Variants in ATAD2 observed in about 807,000 individuals in gnomAD.
ATAD2 encodes ATPase family AAA domain containing 2.
A neutral mutation model predicts 168.9 loss-of-function variants in ATAD2; 62 were observed. That is an observed-to-expected ratio of 0.37 (90% CI 0.30 to 0.45). The LOEUF (loss-of-function observed/expected upper bound fraction) is 0.45, where lower values mean the gene tolerates loss of function less well. ATAD2 is among the 20% of genes least tolerant of loss of function. The pLI, the probability that ATAD2 is intolerant of heterozygous loss-of-function variation, is 1.00. For missense variants in ATAD2, 1,419 were observed against 1,667.8 expected, an observed-to-expected ratio of 0.85 and a Z score of 2.60; for synonymous variants, 613 against 571.6, an observed-to-expected ratio of 1.07 and a Z score of -1.03.
intron 1 of ATAD2, among the ~76,000 whole-genome samples, chr8:123,383,060 C>T (rs1278038220): frequency 6.6e-6 from 1 of 152,126 alleles, no homozygotes; most frequent in Admixed American, 6.5e-5. Context: ...ATGGATGAAG[C>T]TGGAAGCCAT....
intron 3 of ATAD2, among the ~76,000 whole-genome samples, chr8:123,372,143 A>G (rs1314842116): frequency 6.6e-6 from 1 of 152,220 alleles, no homozygotes; most frequent in Non-Finnish European, 1.5e-5. Context: ...AAAGGTGAAG[A>G]GATAAATTGT....
intron 1 of ATAD2, among the ~76,000 whole-genome samples, chr8:123,412,783 A>G (rs530230578): frequency 6.6e-6 from 1 of 152,224 alleles, no homozygotes; most frequent in East Asian, 1.9e-4. Flanking sequence ...CTCTCAGCAC[A>G]ACTTGGTTCC....
chr8:123,334,320 G>A lies in ATAD2; in HGVS notation c.3214C>T (p.Arg1072Cys), dbSNP rs1586859965. Residue 1072 changes from arginine to cysteine, a missense_variant and splice_region_variant, in exon 23 of 28, where the codon CGT becomes TGT. Physicochemically the swap from Arg to Cys is radical, Grantham distance 180 (BLOSUM62 -3). Transcript: ENST00000287394. ...EYNPDRDPGD[R>C]LIRHRACALR... The stretch of plus-strand genomic sequence containing the variant: ...GCACAGGCTCTATGCCTAATAAGAC[G>A]ATCTATGAAGTGAGTAAAAAATGTA... 1.3e-6 allele frequency: 2 copies of A among 1,514,740 alleles called. No individual in the cohort carries two copies. Among genetic ancestry groups the A allele is most frequent in the South Asian group, 1.4e-5 (1 of 73,068 alleles). The allele number at this position is 1,514,740 out of a possible 1,614,324, so 93.8% of individuals were successfully genotyped here. A position where few individuals can be genotyped will look rare whatever the true frequency, so the allele number is the denominator to read the frequency against.
At chr8:123,360,418 T>A (rs1760886861) in intron 9 of ATAD2, among the ~76,000 whole-genome samples, 1 of 151,702 alleles carries the variant, frequency 6.6e-6, no homozygotes, top group East Asian at 1.9e-4. Context: ...CTCGGCTCGC[T>A]GCAATCTTCG....
At chr8:123,341,117 T>C (rs988575284) in intron 19 of ATAD2, among the ~76,000 whole-genome samples, 1 of 152,124 alleles carries the variant, frequency 6.6e-6, no homozygotes, top group Non-Finnish European at 1.5e-5. Flanking sequence ...TTATTCATTT[T>C]ATAAAAATGG....
chr8:123,400,068 G>A (rs1456439056), upstream of ATAD2, among the ~76,000 whole-genome samples: 1 of 152,106 alleles, frequency 6.6e-6, no homozygotes, highest in African/African-American at 2.4e-5. This position sits in a 1 kb window ranked among gnomAD's most constrained non-coding sequence, Gnocchi z 4.5. Context: ...GGAGGCTGAG[G>A]CAGGAGAACT....
At chr8:123,352,731 C>G (rs1172630295) in intron 13 of ATAD2, 1 of 136,806 alleles carries the variant, frequency 7.3e-6, no homozygotes, top group Admixed American at 7.3e-5. Flanking sequence ...AAAAAAACAA[C>G]AAAAACAAAA....
chr8:123,388,719 G>A lies in ATAD2; in HGVS notation c.171+7468C>T, dbSNP rs150138993. Among the ~76,000 whole-genome samples, 468 of 152,012 alleles carry A rather than the reference G, an allele frequency of 3.1e-3. 5 individuals carry two copies. Among genetic ancestry groups the A allele is most frequent in the African/African-American group, 0.011 (457 of 41,456 alleles). ...TTTTATTTTAGAGATGGTGGGGGCG[G>A]GGGGGTGGTCTCACTATGTTGCTCA... On this transcript the variant is annotated intron_variant, in intron 1 of 27. Transcript: ENST00000287394.
intron 1 of ATAD2, among the ~76,000 whole-genome samples, chr8:123,412,306 T>C (rs1813170574): frequency 6.6e-6 from 1 of 152,262 alleles, no homozygotes; most frequent in African/African-American, 2.4e-5. Context: ...TACAGCAATG[T>C]CACCTGTATT....
intron 2 of ATAD2, among the ~76,000 whole-genome samples, chr8:123,373,612 C>T (rs1829215148): frequency 6.6e-6 from 1 of 151,632 alleles, no homozygotes; most frequent in South Asian, 2.1e-4. Context: ...CAGGGTGAAA[C>T]CCCGTCTCTA....
chr8:123,383,577 G>A (rs1347777766), intron 1 of ATAD2, among the ~76,000 whole-genome samples: 1 of 151,832 alleles, frequency 6.6e-6, no homozygotes, highest in Admixed American at 6.6e-5. Flanking sequence ...TTCGAGACCA[G>A]CCTGACCAAC....
Position 123,369,186 on chromosome 8 carries a change from GAAAT to G in ATAD2, c.932-15_932-12del, listed in dbSNP as rs1463406736. 1.8e-6 allele frequency: 2 copies of G among 1,123,156 alleles called. No individual in the cohort carries two copies. The highest frequency in any genetic ancestry group is 6.2e-5 in the East Asian group (2 of 32,326). The allele number at this position is 1,123,156 out of a possible 1,614,324, so 69.6% of individuals were successfully genotyped here. A position where few individuals can be genotyped will look rare whatever the true frequency, so the allele number is the denominator to read the frequency against. ...TCTGGTGACGAGGTTCTAAAAAAAA[GAAAT>G]ATATATATATATTTGTATATATATA... On this transcript the variant is annotated splice_polypyrimidine_tract_variant and intron_variant, in intron 7 of 27. Transcript: ENST00000287394.
chr8:123,348,213 A>C lies in ATAD2; in HGVS notation c.1867T>G (p.Phe623Val). 1 of 1,601,342 alleles carries C rather than the reference A, an allele frequency of 6.2e-7. No individual in the cohort carries two copies. Among genetic ancestry groups the C allele is most frequent in the Non-Finnish European group, 8.5e-7 (1 of 1,176,438 alleles). The change falls in exon 15 of 28, where the codon TTT becomes GTT. Residue 623 changes from phenylalanine (F) to valine (V), a missense_variant. This residue lies in a region of ATAD2 where 545 missense variants were observed against 724.9 expected (regional missense o/e 0.75). Transcript: ENST00000287394. ...CAGTTTTCTGCTAGCTCTTCTAAAA[A>C]TGTGTCCAGTGGTTTGGGATTCCAA... ...RDWNPKPLDTFLEELAENCVG... is the reference protein window; with the variant it reads ...RDWNPKPLDTVLEELAENCVG...
intron 1 of ATAD2, among the ~76,000 whole-genome samples, chr8:123,387,039 T>C (rs999210589): frequency 6.6e-6 from 1 of 152,090 alleles, no homozygotes; most frequent in South Asian, 2.1e-4. Context: ...ATGCCCATTA[T>C]TACTGGAAAA....
intron 1 of ATAD2, among the ~76,000 whole-genome samples, chr8:123,404,930 C>A (rs1465377727): frequency 6.6e-6 from 1 of 152,196 alleles, no homozygotes; most frequent in Non-Finnish European, 1.5e-5. Flanking sequence ...TCAGTTATAT[C>A]TGCAAAGACC....
chr8:123,362,029 G>A (rs978066982), intron 8 of ATAD2, among the ~76,000 whole-genome samples: 6 of 152,186 alleles, frequency 3.9e-5, no homozygotes, highest in Non-Finnish European at 7.4e-5. Flanking sequence ...TTAGGAGACC[G>A]AGGGGGAAGG....
chr8:123,328,579 G>T lies in ATAD2; in HGVS notation c.3479C>A (p.Ala1160Asp), dbSNP rs1827680714. 2 of 1,508,652 alleles carry T rather than the reference G, an allele frequency of 1.3e-6. No individual in the cohort carries two copies. Among genetic ancestry groups the T allele is most frequent in the Admixed American group, 4.7e-5 (2 of 42,134 alleles). The allele number at this position is 1,508,652 out of a possible 1,614,324, so 93.5% of individuals were successfully genotyped here. ...PSTPVACSTP[A>D]QLKRKIRKKS... is the part of the protein sequence containing the mutation. ...TTTGCGAATTTTCCTCTTCAACTGA[G>T]CTTCAAGAAATTTAAAGAAAAATGA... The change falls in exon 25 of 28, where the codon GCT (alanine) becomes GAT (aspartate). Residue 1160 changes from alanine (A) to aspartate (D), a missense_variant and splice_region_variant. Physicochemically the swap from Ala to Asp is moderately radical, Grantham distance 126 (BLOSUM62 -2). Coordinates refer to ENST00000287394, the MANE Select transcript of ATAD2 (RefSeq NM_014109.4).
intron 26 of ATAD2, 64 bp downstream of exon 26, chr8:123,325,829 A>C: frequency 6.3e-7 from 1 of 1,574,840 alleles, no homozygotes; most frequent in Non-Finnish European, 8.7e-7. Context: ...GCTACTAGTC[A>C]CAAGCCAGTG....
In ATAD2 at chr8:123,369,101, A is replaced by G. The variant is rs1395638311; in HGVS notation, c.1006T>C (p.Ser336Pro). The G allele has an allele frequency of 5.0e-6, 8 of 1,598,766 alleles. No homozygotes were observed. In the South Asian group the frequency reaches 5.6e-5, roughly 11 times the overall value. Residue 336 changes from serine (S) to proline (P), a missense_variant, in exon 8 of 28, where the codon TCT becomes CCT. By Grantham distance (74) the Ser-to-Pro change is moderately conservative. This residue lies in a region of ATAD2 where 419 missense variants were observed against 423.5 expected (regional missense o/e 0.99). Coordinates refer to ENST00000287394, the MANE Select transcript of ATAD2 (RefSeq NM_014109.4). ...TAAGGACTTCTTGGTCCTGCGGAAG[A>G]TAATCGGTATCTTGGTCTTGCAGGA... Reference protein sequence around the residue: ...ASPARPRYRLSSAGPRSPYCK... With the variant: ...ASPARPRYRLPSAGPRSPYCK...
Sources: gnomAD v4.1 joint callset for allele counts (sites outside exome capture counted in the v4.1 genomes callset) on GRCh38, gnomAD v4.1.1 for gene constraint, gnomAD v4.1.1 regional missense constraint, Gnocchi (gnomAD v3.1) non-coding constraint, MANE v1.5 for transcripts, NCBI Gene and HGNC (gene_info 2026-07-23, HGNC 2026-07-21) for gene names.